ATRNL1: variants seen among roughly 807,000 people sequenced by gnomAD.
ATRNL1 encodes the protein attractin-like protein 1.
A neutral mutation model predicts 182.7 loss-of-function variants in ATRNL1; 95 were observed. That is an observed-to-expected ratio of 0.52 (90% CI 0.44 to 0.62). The LOEUF (loss-of-function observed/expected upper bound fraction) is 0.62. Among genes scored for constraint, ATRNL1 ranks in the 20% least tolerant of loss-of-function variants. The pLI, the probability that ATRNL1 is intolerant of heterozygous loss-of-function variation, is 0.00. For missense variants in ATRNL1, 1,471 were observed against 1,679.5 expected (o/e 0.88, Z 2.17); for synonymous variants, 576 against 568.3 (o/e 1.01, Z -0.19).
chr10:115,170,392 A>T (rs1477443229), intron 7 of ATRNL1, among the ~76,000 whole-genome samples: 1 of 152,166 alleles, frequency 6.6e-6, no homozygotes, highest in Non-Finnish European at 1.5e-5. Context: ...GTATAATTTA[A>T]AAGTTCTACA....
intron 26 of ATRNL1, among the ~76,000 whole-genome samples, chr10:115,690,329 C>T (rs1222902132): frequency 6.6e-6 from 1 of 152,096 alleles, no homozygotes; most frequent in Non-Finnish European, 1.5e-5. Flanking sequence ...TGTTCCACCT[C>T]AGATCATCAG....
chr10:115,756,034 G>T (rs573307160), intron 27 of ATRNL1, among the ~76,000 whole-genome samples: 1 of 151,092 alleles, frequency 6.6e-6, no homozygotes, highest in Non-Finnish European at 1.5e-5. Context: ...ATTTTTTATT[G>T]TGTCTATTTG....
chr10:115,895,078 T>G (rs1952172979), intron 28 of ATRNL1, among the ~76,000 whole-genome samples: 1 of 152,194 alleles, frequency 6.6e-6, no homozygotes, highest in African/African-American at 2.4e-5. Flanking sequence ...TTAAAACAAT[T>G]TCATCAAAAG....
intron 1 of ATRNL1, among the ~76,000 whole-genome samples, chr10:115,098,392 C>G (rs563295303): frequency 6.7e-6 from 1 of 148,494 alleles, no homozygotes; most frequent in Non-Finnish European, 1.5e-5. Context: ...ACTCTTTCCT[C>G]TCTGGTCTTT....
At chr10:115,132,134 A>T (rs910109060) in intron 5 of ATRNL1, among the ~76,000 whole-genome samples, 2 of 148,102 alleles carry the variant, frequency 1.4e-5, no homozygotes, top group South Asian at 2.1e-4. Flanking sequence ...CCTGTGTCCA[A>T]GTGTTCTCAT....
At chr10:115,697,940 A>G (rs1946615613) in intron 26 of ATRNL1, among the ~76,000 whole-genome samples, 1 of 152,180 alleles carries the variant, frequency 6.6e-6, no homozygotes, top group South Asian at 2.1e-4. Flanking sequence ...GATATAATTG[A>G]TGAACTCTAA....
intron 19 of ATRNL1, among the ~76,000 whole-genome samples, chr10:115,361,657 T>C (rs1433145755): frequency 1.3e-5 from 2 of 152,072 alleles, no homozygotes; most frequent in Non-Finnish European, 2.9e-5. Flanking sequence ...AAATTGGACA[T>C]GGGCTGGATT....
At chr10:115,854,942 A>T (rs955354605) in intron 28 of ATRNL1, among the ~76,000 whole-genome samples, 1 of 152,088 alleles carries the variant, frequency 6.6e-6, no homozygotes, top group Admixed American at 6.6e-5. Context: ...TCGCTTCCTC[A>T]TACCTTTGCA....
intron 9 of ATRNL1, among the ~76,000 whole-genome samples, chr10:115,232,923 TAGCTTCTCAC>T (rs1430086306): frequency 6.6e-6 from 1 of 152,182 alleles, no homozygotes; most frequent in African/African-American, 2.4e-5. Context: ...AACAGAAATT[TAGCTTCTCAC>T]AGTTCTGGTG....
chr10:115,658,499 G>T (rs988184011), intron 26 of ATRNL1, among the ~76,000 whole-genome samples: 1 of 151,916 alleles, frequency 6.6e-6, no homozygotes, highest in Non-Finnish European at 1.5e-5. Flanking sequence ...AGTCTTGGAG[G>T]TTTCAACCTT....
At position 115,094,123 on chromosome 10, in the gene ATRNL1, C is replaced by A. The variant is rs570652609; in HGVS notation, c.293+80C>A. 7.2e-6 allele frequency: 9 copies of A among 1,254,478 alleles called. No individual in the cohort carries two copies. In the Admixed American group the frequency reaches 3.2e-4, roughly 45 times the overall value. 77.7% of individuals were successfully genotyped at this position (1,254,478 alleles called of 1,614,324 possible). ...CCTTCCCCGCCCCCCTCGCGGCCTC[C>A]CCCGCCCCCGTCGCTGCCTCTGATC... On this transcript the variant is annotated intron_variant, in intron 1 of 28. Transcript: ENST00000355044.
Position 115,746,260 on chromosome 10 carries a change from C to T in ATRNL1, c.3903+18905C>T, listed in dbSNP as rs565809425. Reference sequence around the variant, plus strand: ...TTGAATCTCAGAGTTTTTGATTTATCATATTAGTATTGAAAATAATTATCT... The same window carrying T: ...TTGAATCTCAGAGTTTTTGATTTATTATATTAGTATTGAAAATAATTATCT... On this transcript the variant is annotated intron_variant, in intron 27 of 28. Transcript: ENST00000355044. Among the ~76,000 whole-genome samples, 77 of 152,146 alleles carry T rather than the reference C, an allele frequency of 5.1e-4. No individual in the cohort carries two copies. In the South Asian group the frequency reaches 0.013, roughly 26 times the overall value.
At chr10:115,917,653 A>G (rs1565485946) in intron 28 of ATRNL1, among the ~76,000 whole-genome samples, 1 of 152,130 alleles carries the variant, frequency 6.6e-6, no homozygotes, top group Non-Finnish European at 1.5e-5. Context: ...ACCATGGAGT[A>G]AAAGCTCATA....
At chr10:115,342,183 G>A (rs1310110842) in intron 19 of ATRNL1, among the ~76,000 whole-genome samples, 1 of 151,732 alleles carries the variant, frequency 6.6e-6, no homozygotes, top group South Asian at 2.1e-4. Context: ...AGGTTACCGC[G>A]AGACTTGTAA....
In ATRNL1 at chr10:115,263,149, G is replaced by T. The variant is rs566370043; in HGVS notation, c.1688-2044G>T. On this transcript the variant is annotated intron_variant, in intron 10 of 28. Coordinates refer to ENST00000355044, the MANE Select transcript of ATRNL1 (RefSeq NM_207303.4). ...TCATAACATGGAAAACTCTAACATG[G>T]TTACAATGAGCACACAGTACCACTT... Among the ~76,000 whole-genome samples, 21 of 151,890 alleles carry T rather than the reference G, an allele frequency of 1.4e-4. 1 individual carries two copies. The South Asian group carries it at 4.4e-3, about 31-fold the overall frequency.
intron 26 of ATRNL1, among the ~76,000 whole-genome samples, chr10:115,567,426 A>G (rs1379671303): frequency 1.3e-5 from 2 of 152,168 alleles, no homozygotes; most frequent in Non-Finnish European, 2.9e-5. Flanking sequence ...ATTCAAAATT[A>G]GAGTTTGCCT....
intron 24 of ATRNL1, among the ~76,000 whole-genome samples, chr10:115,511,584 A>G (rs1554982700): frequency 6.6e-6 from 1 of 151,856 alleles, no homozygotes; most frequent in Non-Finnish European, 1.5e-5. Flanking sequence ...CAAACACATC[A>G]ATTTATCTTT....
At chr10:115,617,734 C>T (rs1042747497) in intron 26 of ATRNL1, among the ~76,000 whole-genome samples, 6 of 152,092 alleles carry the variant, frequency 3.9e-5, no homozygotes, top group Non-Finnish European at 7.3e-5. Context: ...GGACTGTGGG[C>T]TTTTGAGTTA....
At chr10:115,888,935 C>A (rs1379214056) in intron 28 of ATRNL1, among the ~76,000 whole-genome samples, 2 of 152,280 alleles carry the variant, frequency 1.3e-5, no homozygotes, top group East Asian at 3.9e-4. Flanking sequence ...TCTGACTCCT[C>A]CTAAATGAAT....
Sources: gnomAD v4.1 joint callset for allele counts (sites outside exome capture counted in the v4.1 genomes callset) on GRCh38, gnomAD v4.1.1 for gene constraint, MANE v1.5 for transcripts, NCBI Gene and HGNC (gene_info 2026-07-23, HGNC 2026-07-21) for gene names.